Variants in SCRN1 observed in about 807,000 individuals in gnomAD.
The protein encoded by SCRN1 is secernin-1.
In SCRN1, 19 loss-of-function variants were observed where a neutral mutation model predicts 43.3. The observed-to-expected ratio is 0.44, with a 90% CI of 0.31 to 0.64. SCRN1 has a LOEUF of 0.64. Ranked by LOEUF, SCRN1 falls within the 30% of genes least tolerant of loss-of-function variation. SCRN1 has a pLI of 0.09. For synonymous variants in SCRN1, 183 were observed against 188.9 expected (o/e 0.97, Z 0.26); for missense variants, 447 against 524.1 (o/e 0.85, Z 1.44).
intron 1 of SCRN1, chr7:29,969,973 T>C: frequency 2.3e-6 from 1 of 425,534 alleles, no homozygotes; most frequent in Middle Eastern, 3.5e-4. Flanking sequence ...CTCCTAAATC[T>C]CTATGGAAAC....
chr7:29,955,796 AG>A (rs1315340309), intron 2 of SCRN1, among the ~76,000 whole-genome samples: 1 of 152,266 alleles, frequency 6.6e-6, no homozygotes, highest in Non-Finnish European at 1.5e-5. Context: ...CAGAACCCTG[AG>A]TCCCCCTGCA....
chr7:29,989,912 G>A (rs1227525606), upstream of SCRN1: 1 of 1,040,344 alleles, frequency 9.6e-7, no homozygotes, highest in Non-Finnish European at 1.2e-6. Flanking sequence ...CACCCCGCGC[G>A]TCTGGCTGCA....
chr7:29,946,918 C>G (rs1398146483), intron 3 of SCRN1, among the ~76,000 whole-genome samples: 1 of 152,208 alleles, frequency 6.6e-6, no homozygotes, highest in Non-Finnish European at 1.5e-5. Flanking sequence ...CCAGAGAGAC[C>G]TGGGGCCACA....
intron 6 of SCRN1, among the ~76,000 whole-genome samples, chr7:29,935,604 A>G (rs1296336800): frequency 1.3e-5 from 2 of 152,206 alleles, no homozygotes; most frequent in Non-Finnish European, 2.9e-5. Flanking sequence ...TTCTGATACA[A>G]TAGGTTTCAG....
In SCRN1 at chr7:29,968,919, C is replaced by T; in HGVS notation, c.149G>A (p.Ser50Asn). The change falls in exon 2 of 8, where the codon AGC (serine) becomes AAC (asparagine). Residue 50 changes from serine (S) to asparagine (N), a missense_variant. Transcript: ENST00000242059. ...YFSAADHEPE[S>N]KVECTYISID... is the part of the protein sequence containing the mutation. ...CAATGCACGGCTTACCTCAACCTTGCTCTCCGGTTCGTGATCAGCAGCCGA... is the reference window on the plus strand; with the variant it reads ...CAATGCACGGCTTACCTCAACCTTGTTCTCCGGTTCGTGATCAGCAGCCGA... 1 of 1,614,120 alleles carries T rather than the reference C, an allele frequency of 6.2e-7. No homozygotes were observed. Among genetic ancestry groups the T allele is most frequent in the Non-Finnish European group, 8.5e-7 (1 of 1,180,020 alleles).
intron 4 of SCRN1, among the ~76,000 whole-genome samples, chr7:29,941,396 GT>G (rs531774085): frequency 2.6e-5 from 4 of 151,656 alleles, no homozygotes; most frequent in South Asian, 2.1e-4. Context: ...AATCTATATG[GT>G]TTTTTTTAAA....
rs1481919220 is a variant in SCRN1, at chr7:29,924,036, C to G, written c.1166G>C (p.Ser389Thr). Residue 389 changes from serine (S) to threonine (T), a missense_variant, in exon 8 of 8, where the codon AGC (serine) becomes ACC (threonine). Transcript: ENST00000242059. Reference sequence around the variant, plus strand: ...TTCCGCAGGGTCCAGTGGCTCGGAGCTGGTCAGGATTTCTTCCATGGCTTC... The same window carrying G: ...TTCCGCAGGGTCCAGTGGCTCGGAGGTGGTCAGGATTTCTTCCATGGCTTC... ...GLEAMEEILT[S>T]SEPLDPAEVG... The G allele has an allele frequency of 1.2e-6, 2 of 1,614,074 alleles. No individual in the cohort carries two copies. Among genetic ancestry groups the G allele is most frequent in the Non-Finnish European group, 1.7e-6 (2 of 1,180,038 alleles).
chr7:29,969,361 T>G (rs1788598192), intron 1 of SCRN1: 3 of 406,184 alleles, frequency 7.4e-6, no homozygotes, highest in Middle Eastern at 7.2e-4. Flanking sequence ...AGGAGGTTAT[T>G]GTTCTAGGCA....
rs560791802 is a variant in SCRN1 at position 29,979,146 on chromosome 7, C to T, written c.-1-10078G>A. 7.9e-5 allele frequency among the ~76,000 whole-genome samples: 12 copies of T among 152,256 alleles called. 2 individuals carry two copies. Among genetic ancestry groups the T allele is most frequent in the African/African-American group, 2.9e-4 (12 of 41,554 alleles). On this transcript the variant is annotated intron_variant, in intron 1 of 7. Transcript: ENST00000242059. ...TTGGGAGGCTGAGGCGGGCGGGTCA[C>T]AAGGTCAGGAGTTCGAGACCAGCCT...
At position 29,989,785 on chromosome 7, in the gene SCRN1, T is replaced by TC; in HGVS notation, c.-146dup. The TC allele has an allele frequency of 1.0e-6, 1 of 986,642 alleles. No individual in the cohort carries two copies. The highest frequency in any genetic ancestry group is 1.2e-6 in the Non-Finnish European group (1 of 831,122). 61.1% of individuals were successfully genotyped at this position (986,642 alleles called of 1,614,324 possible). ...GTGGCGGAGGCGGCCGCCGGGCGCT[T>TC]CCCCCTACCCAGACTCCCGGCGCTG... On this transcript the variant is annotated 5_prime_UTR_variant, in exon 1 of 8. Transcript: ENST00000242059.
intron 1 of SCRN1, among the ~76,000 whole-genome samples, chr7:29,980,270 T>C (rs1028552909): frequency 2.6e-5 from 4 of 152,186 alleles, no homozygotes; most frequent in African/African-American, 4.8e-5. Flanking sequence ...AGGCAGGCTG[T>C]GGTGAGCTGC....
Position 29,936,610 on chromosome 7 carries a change from T to G in SCRN1, c.851A>C (p.Gln284Pro), listed in dbSNP as rs1296061545. 6.2e-7 allele frequency: 1 copy of G among 1,606,610 alleles called. No individual in the cohort carries two copies. Among genetic ancestry groups the G allele is most frequent in the Admixed American group, 1.7e-5 (1 of 59,836 alleles). Reference protein sequence around the residue: ...TTASGVSVLPQNRSSPCIHYF... With the variant: ...TTASGVSVLPPNRSSPCIHYF... ...GTGAATGCACGGAGAGCTTCTATTC[T>G]GCGGCAGGACAGACACTCCACTGGC... Residue 284 changes from glutamine to proline, a missense_variant, in exon 6 of 8, where the codon CAG (glutamine) becomes CCG (proline). Transcript: ENST00000242059.
intron 6 of SCRN1, among the ~76,000 whole-genome samples, chr7:29,927,398 T>C (rs1787004039): frequency 1.8e-5 from 2 of 111,174 alleles, no homozygotes; most frequent in Non-Finnish European, 3.3e-5. Flanking sequence ...GAGCCACGCA[T>C]ATAAACAGCT....
At chr7:29,980,448 A>C (rs1237138484) in intron 1 of SCRN1, among the ~76,000 whole-genome samples, 1 of 152,174 alleles carries the variant, frequency 6.6e-6, no homozygotes, top group Admixed American at 6.5e-5. Flanking sequence ...TTCCTCTCCC[A>C]TCAAAACAGT....
At chr7:29,952,734 T>C (rs1275371725) in intron 3 of SCRN1, among the ~76,000 whole-genome samples, 1 of 151,532 alleles carries the variant, frequency 6.6e-6, no homozygotes, top group East Asian at 1.9e-4. Context: ...GAGCATGAGT[T>C]ACTTTTAGGA....
intron 6 of SCRN1, among the ~76,000 whole-genome samples, chr7:29,929,456 T>C (rs1334832420): frequency 6.6e-6 from 1 of 152,246 alleles, no homozygotes; most frequent in Non-Finnish European, 1.5e-5. Context: ...AGTATCTTCA[T>C]CAGGAAACCT....
chr7:29,988,861 A>G (rs1388908762), intron 1 of SCRN1: 2 of 152,258 alleles, frequency 1.3e-5, no homozygotes, highest in Non-Finnish European at 2.9e-5. Flanking sequence ...CCAATTCTCT[A>G]AAGTTCAAGC....
chr7:29,955,283 T>C lies in SCRN1; in HGVS notation c.237A>G (p.Ala79=). The change falls in exon 3 of 8, where the codon GCA becomes GCG. Residue 79 remains alanine, a synonymous_variant. Coordinates refer to ENST00000242059, the MANE Select transcript of SCRN1 (RefSeq NM_014766.5). ...MISRPAWLWG[A]EMGANEHGVC... ...CTCCATGTTCATTGGCTCCCATTTC[T>C]GCTCCCCAGAGCCAGGCGGGTCTGC... 6.2e-7 allele frequency: 1 copy of C among 1,614,218 alleles called. No individual in the cohort carries two copies. Among genetic ancestry groups the C allele is most frequent in the South Asian group, 1.1e-5 (1 of 91,088 alleles).
In SCRN1 at chr7:29,923,853, CA is replaced by C. The variant is rs1457621338; in HGVS notation, c.*103del. 4 of 1,253,568 alleles carry C rather than the reference CA, an allele frequency of 3.2e-6. No individual in the cohort carries two copies. The highest frequency in any genetic ancestry group is 4.5e-6 in the Non-Finnish European group (4 of 895,706). 77.7% of individuals were successfully genotyped at this position (1,253,568 alleles called of 1,614,324 possible). On this transcript the variant is annotated 3_prime_UTR_variant, in exon 8 of 8. Coordinates refer to ENST00000242059, the MANE Select transcript of SCRN1 (RefSeq NM_014766.5). The stretch of plus-strand genomic sequence containing the variant: ...GATCTGGCTTCAGAAAAGGAGGCCA[CA>C]TATTAACTTTCTCATTTTACTCAAA...
Sources: allele counts gnomAD v4.1 joint callset (sites outside exome capture counted in the v4.1 genomes callset), GRCh38; gene constraint gnomAD v4.1.1; transcripts MANE v1.5; gene names NCBI Gene and HGNC (gene_info 2026-07-23, HGNC 2026-07-21).